The following LARGE1 variants were observed in gnomAD, a reference collection of about 807,000 sequenced individuals.
The protein encoded by LARGE1 is xylosyl- and glucuronyltransferase LARGE1.
In LARGE1, 43 loss-of-function variants were observed where a neutral mutation model predicts 87.6. The ratio of observed to expected loss-of-function variants is 0.49; its 90% confidence interval spans 0.38 to 0.63. LARGE1 has a LOEUF of 0.63. LARGE1 is among the 30% of genes least tolerant of loss of function. LARGE1 has a pLI of 0.00. For synonymous variants in LARGE1, 434 were observed against 394.6 expected (o/e 1.10, Z -1.18); for missense variants, 802 against 1,000.2 (o/e 0.80, Z 2.67).
At chr22:33,786,759 C>T (rs528069361) in intron 1 of LARGE1, among the ~76,000 whole-genome samples, 4 of 152,320 alleles carry the variant, frequency 2.6e-5, no homozygotes, top group Non-Finnish European at 5.9e-5. Flanking sequence ...CAGTGGCTCA[C>T]GCCTGTAATC....
chr22:33,081,946 T>C, the LARGE1 span, among the ~76,000 whole-genome samples: 1 of 152,224 alleles, frequency 6.6e-6, no homozygotes, highest in Non-Finnish European at 1.5e-5. Context: ...TGCTTTAGGC[T>C]AAATGGGTAA....
intron 12 of LARGE1, among the ~76,000 whole-genome samples, chr22:33,303,066 T>C (rs984146836): frequency 2.0e-5 from 3 of 152,216 alleles, no homozygotes; most frequent in South Asian, 2.1e-4. Context: ...TGTGTGACTT[T>C]AGTTTTCTCA....
At chr22:33,520,713 T>C (rs557864879) in intron 6 of LARGE1, among the ~76,000 whole-genome samples, 1 of 152,210 alleles carries the variant, frequency 6.6e-6, no homozygotes, top group Non-Finnish European at 1.5e-5. Context: ...CTATGAGACA[T>C]GATCTGACAG....
chr22:33,803,912 C>A (rs1005236175), intron 1 of LARGE1, among the ~76,000 whole-genome samples: 1 of 152,198 alleles, frequency 6.6e-6, no homozygotes, highest in South Asian at 2.1e-4. Context: ...CCAGTCTTAT[C>A]GGGTCTGAGA....
chr22:33,865,025 G>A (rs2064044706), intron 1 of LARGE1, among the ~76,000 whole-genome samples: 1 of 152,164 alleles, frequency 6.6e-6, no homozygotes, highest in African/African-American at 2.4e-5. Context: ...TGGGTGTCAG[G>A]CCCAGCCCAG....
intron 7 of LARGE1, among the ~76,000 whole-genome samples, chr22:33,411,849 G>C (rs5998935): frequency 3.9e-5 from 6 of 152,016 alleles, no homozygotes; most frequent in African/African-American, 1.2e-4. Context: ...TGTAGAAGAC[G>C]CCCAATATTT....
chr22:33,444,887 T>C (rs1237069001), intron 6 of LARGE1, among the ~76,000 whole-genome samples: 1 of 152,158 alleles, frequency 6.6e-6, no homozygotes, highest in Admixed American at 6.6e-5. Flanking sequence ...TGGAGTGCAG[T>C]GGCGCGATCT....
chr22:33,433,617 A>C (rs2067161553), intron 6 of LARGE1, among the ~76,000 whole-genome samples: 1 of 151,316 alleles, frequency 6.6e-6, no homozygotes, highest in African/African-American at 2.4e-5. Flanking sequence ...CAAAAAAAAA[A>C]AAAAAAAAAA....
At chr22:33,561,764 G>A (rs1017885815) in intron 6 of LARGE1, among the ~76,000 whole-genome samples, 9 of 152,204 alleles carry the variant, frequency 5.9e-5, no homozygotes, top group East Asian at 1.9e-4. Flanking sequence ...GGTGCAAACC[G>A]CTGACATAGG....
At chr22:33,899,765 G>T (rs2065237071) in intron 1 of LARGE1, among the ~76,000 whole-genome samples, 1 of 152,212 alleles carries the variant, frequency 6.6e-6, no homozygotes. Context: ...CAGAAATTCT[G>T]ATCCAATTGA....
At chr22:33,263,093 C>A (rs1420836748) in intron 11 of LARGE1, among the ~76,000 whole-genome samples, 1 of 152,092 alleles carries the variant, frequency 6.6e-6, no homozygotes, top group African/African-American at 2.4e-5. Flanking sequence ...GAGGTTTCAC[C>A]AGGTTGGCCA....
At chr22:33,479,248 C>T (rs574927895) in intron 6 of LARGE1, among the ~76,000 whole-genome samples, 1 of 152,238 alleles carries the variant, frequency 6.6e-6, no homozygotes, top group East Asian at 1.9e-4. Context: ...CCTATTAGAC[C>T]CTCTGCTCTT....
At chr22:33,275,410 G>C (rs1261810229) in intron 14 of LARGE1, among the ~76,000 whole-genome samples, 2 of 152,184 alleles carry the variant, frequency 1.3e-5, no homozygotes, top group East Asian at 3.8e-4. Flanking sequence ...TCCCAGCTCA[G>C]AGCAGATAAG....
intron 1 of LARGE1, among the ~76,000 whole-genome samples, chr22:33,890,796 G>A: frequency 6.6e-6 from 1 of 151,450 alleles, no homozygotes; most frequent in East Asian, 1.9e-4. Context: ...TTTGGGGTGG[G>A]GGCGGGGGGG....
At chr22:33,862,892 C>T (rs2063974151) in intron 1 of LARGE1, among the ~76,000 whole-genome samples, 1 of 152,030 alleles carries the variant, frequency 6.6e-6, no homozygotes, top group Non-Finnish European at 1.5e-5. Context: ...ATATTAGTAT[C>T]TATCAGAGGT....
At chr22:33,115,549 G>A in the LARGE1 span, among the ~76,000 whole-genome samples, 1 of 152,102 alleles carries the variant, frequency 6.6e-6, no homozygotes, top group Non-Finnish European at 1.5e-5. Context: ...CAGGCGAGGT[G>A]GCTCATGCCT....
chr22:33,694,153 TG>T (rs777834515), intron 2 of LARGE1, among the ~76,000 whole-genome samples: 5 of 152,170 alleles, frequency 3.3e-5, no homozygotes, highest in Non-Finnish European at 4.4e-5. Context: ...GAGCTCTCAT[TG>T]GTAAGATAAA....
chr22:33,150,625 T>A, the LARGE1 span, among the ~76,000 whole-genome samples: 2 of 152,226 alleles, frequency 1.3e-5, no homozygotes, highest in East Asian at 1.9e-4. Flanking sequence ...AGTTTCTGTA[T>A]AAAGTGTGAG....
At chr22:33,551,850 C>T (rs923894696) in intron 6 of LARGE1, among the ~76,000 whole-genome samples, 2 of 151,880 alleles carry the variant, frequency 1.3e-5, no homozygotes, top group East Asian at 3.9e-4. Context: ...AAAATTTAGC[C>T]GGGCGTGATG....
Sources: gnomAD v4.1 joint callset for allele counts (sites outside exome capture counted in the v4.1 genomes callset) on GRCh38, gnomAD v4.1.1 for gene constraint, MANE v1.5 for transcripts, NCBI Gene and HGNC (gene_info 2026-07-23, HGNC 2026-07-21) for gene names.